PCDHGB7: variants seen among roughly 807,000 people sequenced by gnomAD.
PCDHGB7 encodes the protein protocadherin gamma subfamily B, 7.
PCDHGB7 carries 37 observed loss-of-function variants against 61.4 expected under a neutral mutation model. That is an observed-to-expected ratio of 0.60 (90% CI 0.46 to 0.79). PCDHGB7 has a LOEUF of 0.79. Ranked by LOEUF, PCDHGB7 falls within the 30% of genes least tolerant of loss-of-function variation. The pLI, the probability that PCDHGB7 is intolerant of heterozygous loss-of-function variation, is 0.00. For synonymous variants in PCDHGB7, 464 were observed against 503.5 expected (o/e 0.92, Z 1.05); for missense variants, 1,166 against 1,202.5 (o/e 0.97, Z 0.45).
At chr5:141,445,538 G>A (rs1188324168) in intron 1 of PCDHGB7, among the ~76,000 whole-genome samples, 1 of 152,168 alleles carries the variant, frequency 6.6e-6, no homozygotes, top group African/African-American at 2.4e-5. Flanking sequence ...AGCCAACAAG[G>A]AGAAATACAA....
chr5:141,444,472 C>A (rs559334960), intron 1 of PCDHGB7, among the ~76,000 whole-genome samples: 2 of 151,850 alleles, frequency 1.3e-5, no homozygotes, highest in Non-Finnish European at 2.9e-5. Context: ...CGCCCGGTCG[C>A]GTACTGGATT....
intron 1 of PCDHGB7, among the ~76,000 whole-genome samples, chr5:141,455,419 G>T (rs1462099602): frequency 6.6e-6 from 1 of 152,124 alleles, no homozygotes; most frequent in Non-Finnish European, 1.5e-5. Flanking sequence ...AGGGAGCGGG[G>T]CTCCAAAAGA....
intron 3 of PCDHGB7, among the ~76,000 whole-genome samples, chr5:141,506,189 G>A (rs529165145): frequency 3.6e-4 from 55 of 152,262 alleles, no homozygotes; most frequent in African/African-American, 1.1e-3. Flanking sequence ...GGTGGCTCAC[G>A]CCTGTAATCC....
At position 141,463,796 on chromosome 5, in the gene PCDHGB7, G is replaced by A. The variant is rs139760353; in HGVS notation, c.2416-31011G>A. ...ATCCTGCACTGTCTTTTGAACAAAT[G>A]TCTAAAAGCTTTTATCACACATTTT... On this transcript the variant is annotated intron_variant, in intron 1 of 3. Coordinates refer to ENST00000398594, the MANE Select transcript of PCDHGB7 (RefSeq NM_018927.4). Among the ~76,000 whole-genome samples, 155 of 152,232 alleles carry A rather than the reference G, an allele frequency of 1.0e-3. 1 individual carries two copies. The highest frequency in any genetic ancestry group is 3.4e-3 in the African/African-American group (140 of 41,538).
Position 141,419,293 on chromosome 5 carries a change from C to A in PCDHGB7, c.1434C>A (p.Asp478Glu), listed in dbSNP as rs748856660. 1.5e-5 allele frequency: 25 copies of A among 1,614,026 alleles called. No individual in the cohort carries two copies. The African/African-American group carries it at 3.2e-4, about 21-fold the overall frequency. Reference protein sequence around the residue: ...GASIAQVSASDPDFGLNGRVS... With the variant: ...GASIAQVSASEPDFGLNGRVS... Reference sequence around the variant, plus strand: ...CCATAGCGCAAGTCAGTGCCTCTGACCCAGACTTCGGGCTCAACGGCCGTG... The same window carrying A: ...CCATAGCGCAAGTCAGTGCCTCTGAACCAGACTTCGGGCTCAACGGCCGTG... Residue 478 changes from aspartate (D) to glutamate (E), a missense_variant, in exon 1 of 4, where the codon GAC becomes GAA. Transcript: ENST00000398594.
chr5:141,426,898 C>G (rs1246109323), intron 1 of PCDHGB7: 3 of 456,634 alleles, frequency 6.6e-6, no homozygotes, highest in Admixed American at 4.7e-5. Context: ...CAACAGAGCT[C>G]TCATCTCCTG....
chr5:141,423,185 C>T (rs996177363), intron 1 of PCDHGB7: 7 of 1,613,492 alleles, frequency 4.3e-6, no homozygotes, highest in Non-Finnish European at 5.9e-6. Context: ...CACGGCCAGC[C>T]CCCTCTCTCG....
chr5:141,500,173 T>G (rs1666567886), intron 2 of PCDHGB7, among the ~76,000 whole-genome samples: 1 of 149,340 alleles, frequency 6.7e-6, no homozygotes, highest in East Asian at 1.9e-4. Context: ...ATGCATGAGC[T>G]TCATTTTTAT....
Position 141,418,251 on chromosome 5 carries a change from C to G in PCDHGB7, c.392C>G (p.Pro131Arg). Residue 131 changes from proline to arginine, a missense_variant, in exon 1 of 4, where the codon CCT becomes CGT. Pro to Arg is a moderately radical substitution (Grantham distance 103). Transcript: ENST00000398594. ...VVIEDVNDHA[P>R]QFRKDEINLE... ...ATTGAGGATGTTAATGACCACGCCC[C>G]TCAATTCCGGAAAGATGAAATAAAC... 1 of 1,614,058 alleles carries G rather than the reference C, an allele frequency of 6.2e-7. No individual in the cohort carries two copies. Among genetic ancestry groups the G allele is most frequent in the Non-Finnish European group, 8.5e-7 (1 of 1,179,900 alleles).
intron 1 of PCDHGB7, among the ~76,000 whole-genome samples, chr5:141,494,338 ACAG>A (rs2099753688): frequency 6.6e-6 from 1 of 152,224 alleles, no homozygotes; most frequent in African/African-American, 2.4e-5. Flanking sequence ...GTTACCAAGA[ACAG>A]CAGCCATCTT....
intron 1 of PCDHGB7, among the ~76,000 whole-genome samples, chr5:141,467,304 C>T (rs567912553): frequency 2.0e-5 from 3 of 152,266 alleles, no homozygotes; most frequent in Admixed American, 6.5e-5. Flanking sequence ...CCACTCACCT[C>T]GGCCTCCCAC....
chr5:141,494,076 G>A (rs538740530), intron 1 of PCDHGB7, among the ~76,000 whole-genome samples: 24 of 152,234 alleles, frequency 1.6e-4, no homozygotes, highest in African/African-American at 4.3e-4. Flanking sequence ...ATCCCTCCCC[G>A]CTGCATCCCT....
chr5:141,469,573 CTAAA>C (rs1209972534), intron 1 of PCDHGB7, among the ~76,000 whole-genome samples: 2 of 151,554 alleles, frequency 1.3e-5, no homozygotes, highest in Non-Finnish European at 2.9e-5. Flanking sequence ...GACTCTGTCT[CTAAA>C]TAAATAAATA....
chr5:141,464,271 A>AT (rs1336006891), intron 1 of PCDHGB7, among the ~76,000 whole-genome samples: 1 of 136,538 alleles, frequency 7.3e-6, no homozygotes, highest in Non-Finnish European at 1.5e-5. Flanking sequence ...TCTAAAAAAA[A>AT]AAAAAAGCAA....
chr5:141,423,447 T>C (rs1347619382), intron 1 of PCDHGB7: 1 of 1,613,880 alleles, frequency 6.2e-7, no homozygotes, highest in Admixed American at 1.7e-5. Context: ...CCACGTCACA[T>C]TTTGTAGGCG....
In PCDHGB7 at chr5:141,432,677, C is replaced by T. The variant is rs1241190176; in HGVS notation, c.2415+12403C>T. On this transcript the variant is annotated intron_variant, in intron 1 of 3. Transcript: ENST00000398594. This position sits in a 1 kb window ranked among gnomAD's most constrained non-coding sequence, Gnocchi z 6.0. ...CCTGCTGGACAGAGACGCGCTCAAGCAGAGCCTCGTAGTGGCCGTCCAGGA... is the reference window on the plus strand; with the variant it reads ...CCTGCTGGACAGAGACGCGCTCAAGTAGAGCCTCGTAGTGGCCGTCCAGGA... The T allele has an allele frequency of 1.2e-6, 2 of 1,613,942 alleles. No individual in the cohort carries two copies. The highest frequency in any genetic ancestry group is 1.1e-5 in the South Asian group (1 of 91,076).
chr5:141,494,251 G>C (rs961451413), intron 1 of PCDHGB7, among the ~76,000 whole-genome samples: 2 of 152,214 alleles, frequency 1.3e-5, no homozygotes, highest in African/African-American at 4.8e-5. Context: ...TTAGCTGTGG[G>C]AAGAGATTCT....
chr5:141,482,891 G>A (rs1594277958), intron 1 of PCDHGB7, among the ~76,000 whole-genome samples: 2 of 152,168 alleles, frequency 1.3e-5, no homozygotes, highest in East Asian at 3.8e-4. Flanking sequence ...GGCCAACATG[G>A]TGAAACCTCA....
chr5:141,452,463 G>A (rs2098741767), intron 1 of PCDHGB7, among the ~76,000 whole-genome samples: 1 of 152,160 alleles, frequency 6.6e-6, no homozygotes, highest in African/African-American at 2.4e-5. Flanking sequence ...AGCAGACGGA[G>A]CTAGGAAAAA....
Sources: gnomAD v4.1 joint callset for allele counts (sites outside exome capture counted in the v4.1 genomes callset) on GRCh38, gnomAD v4.1.1 for gene constraint, Gnocchi (gnomAD v3.1) non-coding constraint, MANE v1.5 for transcripts, NCBI Gene and HGNC (gene_info 2026-07-23, HGNC 2026-07-21) for gene names.